The following MYH11 variants were observed in gnomAD, a reference collection of about 807,000 sequenced individuals.
MYH11 encodes myosin-11.
Under a neutral mutation model 246.6 loss-of-function variants are expected in MYH11, and 80 were observed. The observed-to-expected ratio is 0.32, with a 90% CI of 0.27 to 0.39. The LOEUF (loss-of-function observed/expected upper bound fraction) is 0.39, where lower values mean the gene tolerates loss of function less well. MYH11 is among the 10% of genes least tolerant of loss of function. MYH11 has a pLI of 1.00. For synonymous variants in MYH11, 1,071 were observed against 1,015.5 expected, an observed-to-expected ratio of 1.05 and a Z score of -1.04; for missense variants, 2,158 against 2,546.8, an observed-to-expected ratio of 0.85 and a Z score of 3.29.
intron 16 of MYH11, among the ~76,000 whole-genome samples, chr16:15,748,691 C>A (rs912938383): frequency 2.0e-5 from 3 of 152,146 alleles, no homozygotes; most frequent in African/African-American, 7.2e-5. Flanking sequence ...TCATGGCTCA[C>A]TGCAGCCTCA....
rs1273797152 is a variant in MYH11 at position 15,735,357 on chromosome 16, G to GC, written c.3506+8dup. The GC allele has an allele frequency of 1.9e-6, 3 of 1,613,150 alleles. No homozygotes were observed. Among genetic ancestry groups the GC allele is most frequent in the Non-Finnish European group, 1.7e-6 (2 of 1,179,904 alleles). ...GATAGCAGGATGGTGGGATTGATGG[G>GC]CCCCTCACCTGAGCTCCTGCTGAGT... On this transcript the variant is annotated intron_variant, in intron 26 of 40. Transcript: ENST00000300036.
intron 40 of MYH11, among the ~76,000 whole-genome samples, chr16:15,708,197 C>T (rs2039569502): frequency 6.6e-6 from 1 of 152,178 alleles, no homozygotes; most frequent in Non-Finnish European, 1.5e-5. Context: ...ACTCAAGCCA[C>T]GTGCAGCCCC....
intron 40 of MYH11, chr16:15,713,242 CATAGAAATGGAAAAAAA>C (rs1389233567): frequency 6.6e-6 from 1 of 151,406 alleles, no homozygotes; most frequent in East Asian, 1.9e-4. Flanking sequence ...GAGGGTTCAG[CATAGAAATGGAAAAAAA>C]ATAGAAGTGT....
At chr16:15,716,274 CTG>C (rs1567685957) in intron 38 of MYH11, among the ~76,000 whole-genome samples, 4 of 152,046 alleles carry the variant, frequency 2.6e-5, no homozygotes, top group African/African-American at 4.8e-5. Flanking sequence ...CTCAAAATGA[CTG>C]TGGTGATCGT....
chr16:15,844,843 C>T (rs1008005928), intron 1 of MYH11, among the ~76,000 whole-genome samples: 1 of 152,086 alleles, frequency 6.6e-6, no homozygotes, highest in African/African-American at 2.4e-5. Flanking sequence ...GGGTGAGACC[C>T]TGTCTCAAAA....
Position 15,721,948 on chromosome 16 carries a change from C to T in MYH11, c.4366-314G>A, listed in dbSNP as rs191874070. Among the ~76,000 whole-genome samples the T allele has an allele frequency of 3.8e-3, 585 of 152,184 alleles. 1 individual carries two copies. The highest frequency in any genetic ancestry group is 6.8e-3 in the Middle Eastern group (2 of 294). On this transcript the variant is annotated intron_variant, in intron 31 of 40. Coordinates refer to ENST00000300036, the MANE Select transcript of MYH11 (RefSeq NM_002474.3). ...TCTTGGTTCACTGCAACCTCCGCCT[C>T]GTGGGTTCAAGCGATTCTCCTGCCT...
intron 2 of MYH11, among the ~76,000 whole-genome samples, chr16:15,830,793 G>T (rs545515745): frequency 1.3e-5 from 2 of 152,000 alleles, no homozygotes; most frequent in Non-Finnish European, 2.9e-5. Flanking sequence ...CGGGATGATC[G>T]CTTGAATCCA....
At chr16:15,729,795 C>A (rs1430491326) in intron 27 of MYH11, among the ~76,000 whole-genome samples, 1 of 151,766 alleles carries the variant, frequency 6.6e-6, no homozygotes, top group Non-Finnish European at 1.5e-5. Flanking sequence ...AGGTGATCTG[C>A]CTGCCTCGGG....
At chr16:15,809,835 C>G (rs2043098164) in intron 3 of MYH11, among the ~76,000 whole-genome samples, 1 of 150,832 alleles carries the variant, frequency 6.6e-6, no homozygotes, top group African/African-American at 2.4e-5. Flanking sequence ...GTGGGAGGAT[C>G]ACCTGAGCCT....
chr16:15,802,402 T>C (rs2042909404), intron 3 of MYH11, among the ~76,000 whole-genome samples: 1 of 152,208 alleles, frequency 6.6e-6, no homozygotes, highest in African/African-American at 2.4e-5. Context: ...GGTTGAACTG[T>C]GACTCCCAAA....
At chr16:15,729,072 C>A (rs2040883270) in intron 27 of MYH11, among the ~76,000 whole-genome samples, 1 of 151,862 alleles carries the variant, frequency 6.6e-6, no homozygotes, top group South Asian at 2.1e-4. Context: ...GATGCCCGTC[C>A]TCCCTCCAAG....
chr16:15,704,203 C>T (rs1402223540), intron 40 of MYH11, 80 bp from the exon 41 acceptor site: 1 of 1,567,548 alleles, frequency 6.4e-7, no homozygotes, highest in Non-Finnish European at 8.7e-7. Flanking sequence ...CTATTTTAAA[C>T]TTGTAGCTAT....
intron 40 of MYH11, among the ~76,000 whole-genome samples, chr16:15,705,685 C>A (rs1360497563): frequency 6.6e-6 from 1 of 151,962 alleles, no homozygotes; most frequent in Non-Finnish European, 1.5e-5. Context: ...ATTCTTTAGT[C>A]AAAAGGAACA....
intron 4 of MYH11, among the ~76,000 whole-genome samples, chr16:15,793,880 C>T: frequency 6.8e-6 from 1 of 147,668 alleles, no homozygotes; most frequent in African/African-American, 2.5e-5. Flanking sequence ...GCCTCGGCCT[C>T]CCAAAGTGCT....
In MYH11 at chr16:15,841,278, C is replaced by T. The variant is rs2151384806; in HGVS notation, c.-17-3009G>A. Among the ~76,000 whole-genome samples, 2 of 152,278 alleles carry T rather than the reference C, an allele frequency of 1.3e-5. 1 individual carries two copies. Among genetic ancestry groups the T allele is most frequent in the South Asian group, 4.1e-4 (2 of 4,826 alleles). On this transcript the variant is annotated intron_variant, in intron 1 of 40. Transcript: ENST00000300036. ...TTAGCTTCCCGAGTAACTAGGATTA[C>T]AGGCGTGCACCATCACACCCAGCTA... is the stretch of plus-strand genomic sequence containing the variant.
chr16:15,744,817 T>C (rs1386212708), intron 20 of MYH11, among the ~76,000 whole-genome samples: 1 of 152,196 alleles, frequency 6.6e-6, no homozygotes, highest in Non-Finnish European at 1.5e-5. Flanking sequence ...TCTTGAACCA[T>C]CAAAATTACA....
At chr16:15,791,736 C>A (rs541974940) in intron 4 of MYH11, 1 of 144,360 alleles carries the variant, frequency 6.9e-6, no homozygotes, top group African/African-American at 2.6e-5. Context: ...TGCAGTGATG[C>A]AATCATAGCT....
chr16:15,734,925 A>T (rs2041070180), intron 26 of MYH11, among the ~76,000 whole-genome samples: 1 of 152,106 alleles, frequency 6.6e-6, no homozygotes, highest in Admixed American at 6.6e-5. Context: ...CACACATGTA[A>T]TACCAGCAGT....
intron 24 of MYH11, 51 bp from the exon 25 acceptor site, chr16:15,737,671 C>T (rs1480663952): frequency 1.6e-5 from 26 of 1,597,496 alleles, no homozygotes; most frequent in Non-Finnish European, 2.0e-5. Context: ...GAGAGATGCC[C>T]GGAAATGAGC....
Sources: gnomAD v4.1 joint callset for allele counts (sites outside exome capture counted in the v4.1 genomes callset) on GRCh38, gnomAD v4.1.1 for gene constraint, MANE v1.5 for transcripts, NCBI Gene and HGNC (gene_info 2026-07-23, HGNC 2026-07-21) for gene names.